The following ADAMTS16 variants were observed in gnomAD, a reference collection of about 807,000 sequenced individuals.
ADAMTS16 encodes A disintegrin and metalloproteinase with thrombospondin motifs 16.
Under a neutral mutation model 145.8 loss-of-function variants are expected in ADAMTS16, and 94 were observed. The observed-to-expected ratio is 0.64, with a 90% CI of 0.55 to 0.77. The LOEUF (loss-of-function observed/expected upper bound fraction) is 0.77. Ranked by LOEUF, ADAMTS16 falls within the 30% of genes least tolerant of loss-of-function variation. The probability of loss-of-function intolerance (pLI) is 0.00; values close to 1 mark genes in which losing one functional copy is unlikely to be tolerated. For synonymous variants in ADAMTS16, 659 were observed against 604.3 expected (o/e 1.09, Z -1.33); for missense variants, 1,585 against 1,591.5 (o/e 1.00, Z 0.07).
intron 18 of ADAMTS16, among the ~76,000 whole-genome samples, chr5:5,264,332 A>G (rs745502102): frequency 3.7e-4 from 57 of 152,086 alleles, no homozygotes; most frequent in Non-Finnish European, 7.5e-4. Context: ...CTGAGATCAC[A>G]TATTTACAGA....
intron 3 of ADAMTS16, among the ~76,000 whole-genome samples, chr5:5,178,199 G>T (rs1383689696): frequency 6.6e-6 from 1 of 152,172 alleles, no homozygotes; most frequent in East Asian, 1.9e-4. Context: ...TCTTATGAAG[G>T]CAATATAAGT....
At chr5:5,289,730 G>A (rs1739229405) in intron 18 of ADAMTS16, among the ~76,000 whole-genome samples, 1 of 152,212 alleles carries the variant, frequency 6.6e-6, no homozygotes, top group Admixed American at 6.5e-5. Flanking sequence ...GAACAGTCAG[G>A]CCTATTCATG....
rs149078800 is a variant in ADAMTS16 at position 5,262,861 on chromosome 5, G to A, written c.2789+78G>A. The A allele has an allele frequency of 4.6e-4, 721 of 1,572,396 alleles. 7 individuals carry two copies. The African/African-American group carries it at 8.1e-3, about 18-fold the overall frequency. On this transcript the variant is annotated intron_variant, in intron 18 of 22. Coordinates refer to ENST00000274181, the MANE Select transcript of ADAMTS16 (RefSeq NM_139056.4). ...AGCGAGTCTTGCAGCTCCTGATTTC[G>A]AGAGAGAAGTGCTGATTGCCATCAT...
chr5:5,195,577 G>A (rs540012317), intron 8 of ADAMTS16, among the ~76,000 whole-genome samples: 1 of 152,272 alleles, frequency 6.6e-6, no homozygotes, highest in African/African-American at 2.4e-5. Context: ...TGTAATTTAG[G>A]TTGCATTATT....
At chr5:5,156,599 T>G (rs1046428848) in intron 3 of ADAMTS16, among the ~76,000 whole-genome samples, 3 of 152,202 alleles carry the variant, frequency 2.0e-5, no homozygotes, top group African/African-American at 7.2e-5. Flanking sequence ...TCCCCCATGG[T>G]AGGCTGCACT....
chr5:5,204,805 T>C (rs996487500), intron 9 of ADAMTS16, among the ~76,000 whole-genome samples: 3 of 152,208 alleles, frequency 2.0e-5, no homozygotes, highest in Non-Finnish European at 2.9e-5. Context: ...GAGTCATAAA[T>C]GTATAAGCAC....
intron 6 of ADAMTS16, 99 bp downstream of exon 6, chr5:5,187,907 C>T (rs1735552454): frequency 4.2e-6 from 3 of 710,390 alleles, no homozygotes; most frequent in Non-Finnish European, 6.9e-6. Flanking sequence ...GGGTTCTTCT[C>T]TCTCGAGGGC....
intron 18 of ADAMTS16, among the ~76,000 whole-genome samples, chr5:5,284,257 C>T (rs56086512): frequency 0.068 from 10,306 of 152,240 alleles, 385 homozygotes; most frequent in South Asian, 0.12. Context: ...GCTATTGGCA[C>T]ATTTCTACCT....
intron 21 of ADAMTS16, among the ~76,000 whole-genome samples, chr5:5,314,156 T>C (rs1453969887): frequency 6.6e-6 from 1 of 151,932 alleles, no homozygotes; most frequent in African/African-American, 2.4e-5. Context: ...CCTGGAATAG[T>C]GGAAAGTTGC....
At chr5:5,262,994 G>C (rs1165402397) in intron 18 of ADAMTS16, among the ~76,000 whole-genome samples, 1 of 152,220 alleles carries the variant, frequency 6.6e-6, no homozygotes, top group Non-Finnish European at 1.5e-5. Context: ...GACTGTAAGT[G>C]GACATTCTTA....
chr5:5,265,577 G>A (rs1049256329), intron 18 of ADAMTS16, among the ~76,000 whole-genome samples: 1 of 152,218 alleles, frequency 6.6e-6, no homozygotes, highest in Non-Finnish European at 1.5e-5. Flanking sequence ...AAGAGGGGCT[G>A]GGGTTATCTT....
chr5:5,285,844 T>C (rs949191267), intron 18 of ADAMTS16, among the ~76,000 whole-genome samples: 8 of 152,232 alleles, frequency 5.3e-5, no homozygotes, highest in Admixed American at 2.0e-4. Flanking sequence ...TCTCCAGTAA[T>C]ATCAGCATTT....
Position 5,232,421 on chromosome 5 carries a change from C to T in ADAMTS16, c.1755C>T (p.Thr585=). 1 of 1,613,954 alleles carries T rather than the reference C, an allele frequency of 6.2e-7. No homozygotes were observed. The highest frequency in any genetic ancestry group is 8.5e-7 in the Non-Finnish European group (1 of 1,180,006). The stretch of plus-strand genomic sequence containing the variant: ...ATGGTGATGAAGGCCCCAAGCCCAC[C>T]CATGGCCACTGGTCGGACTGGTCTT... ...VKYGDEGPKP[T]HGHWSDWSSW... Residue 585 remains threonine, a synonymous_variant, in exon 12 of 23, where the codon ACC becomes ACT. Coordinates refer to ENST00000274181, the MANE Select transcript of ADAMTS16 (RefSeq NM_139056.4).
intron 18 of ADAMTS16, among the ~76,000 whole-genome samples, chr5:5,277,895 T>A (rs1189781858): frequency 6.6e-6 from 1 of 152,106 alleles, no homozygotes; most frequent in Non-Finnish European, 1.5e-5. Context: ...GGCAGGAGGA[T>A]TGTTTGCACC....
rs528268082 is a variant in ADAMTS16, at chr5:5,239,895, T to C, written c.2493T>C (p.Thr831=). 4 of 1,614,004 alleles carry C rather than the reference T, an allele frequency of 2.5e-6. No individual in the cohort carries two copies. In the African/African-American group the frequency reaches 5.3e-5, roughly 22 times the overall value. Residue 831 remains threonine (T), a synonymous_variant, in exon 16 of 23, where the codon ACT becomes ACC. Coordinates refer to ENST00000274181, the MANE Select transcript of ADAMTS16 (RefSeq NM_139056.4). ...SYNEPENLIA[T]GPTNETLIVE... Reference sequence around the variant, plus strand: ...ATGAGCCCGAGAACTTAATCGCTACTGGACCAACCAACGAGACACTGATTG... The same window carrying C: ...ATGAGCCCGAGAACTTAATCGCTACCGGACCAACCAACGAGACACTGATTG...
intron 11 of ADAMTS16, among the ~76,000 whole-genome samples, chr5:5,228,690 G>C (rs1736836280): frequency 6.6e-6 from 1 of 152,128 alleles, no homozygotes; most frequent in Non-Finnish European, 1.5e-5. Flanking sequence ...TGTAGTAGAG[G>C]TTCCTCTTCA....
intron 18 of ADAMTS16, among the ~76,000 whole-genome samples, chr5:5,266,995 G>A (rs548758061): frequency 7.9e-5 from 12 of 152,280 alleles, no homozygotes; most frequent in Admixed American, 7.8e-4. Context: ...TATTCACTTA[G>A]ATAAATCTTT....
rs374715405 is a variant in ADAMTS16, at chr5:5,151,324, C to T, written c.501+4869C>T. On this transcript the variant is annotated intron_variant, in intron 3 of 22. Coordinates refer to ENST00000274181, the MANE Select transcript of ADAMTS16 (RefSeq NM_139056.4). ...CACAATCTCAGCTCACTGCAACCTC[C>T]GCCTCTCAGGTTCAAGTGATTCTCC... 2.8e-4 allele frequency among the ~76,000 whole-genome samples: 43 copies of T among 151,798 alleles called. No individual in the cohort carries two copies. The South Asian group carries it at 6.7e-3, about 24-fold the overall frequency.
At chr5:5,300,384 TG>T (rs1739722062) in intron 18 of ADAMTS16, among the ~76,000 whole-genome samples, 1 of 151,926 alleles carries the variant, frequency 6.6e-6, no homozygotes, top group Non-Finnish European at 1.5e-5. Flanking sequence ...TGGCTTAACA[TG>T]GAATTAAAAA....
Sources: allele counts gnomAD v4.1 joint callset (sites outside exome capture counted in the v4.1 genomes callset), GRCh38; gene constraint gnomAD v4.1.1; transcripts MANE v1.5; gene names NCBI Gene and HGNC (gene_info 2026-07-23, HGNC 2026-07-21).